The following MMP26 variants were observed in gnomAD, a reference collection of about 807,000 sequenced individuals.
MMP26 encodes matrix metallopeptidase 26, also known as matrix metalloproteinase-26.
In MMP26, 33 loss-of-function variants were observed where a neutral mutation model predicts 31.0. The ratio of observed to expected loss-of-function variants is 1.06; its 90% CI spans 0.81 to 1.42. MMP26 has a LOEUF of 1.42. Among genes scored for constraint, MMP26 ranks in the 40% most tolerant of loss-of-function variants. The pLI is 0.00. For synonymous variants in MMP26, 122 were observed against 114.9 expected (o/e 1.06, Z -0.40); for missense variants, 347 against 316.1 (o/e 1.10, Z -0.74).
At chr11:4,813,921 C>T (rs987523879) in intron 2 of MMP26, among the ~76,000 whole-genome samples, 10 of 151,960 alleles carry the variant, frequency 6.6e-5, no homozygotes, top group African/African-American at 2.4e-4. Context: ...AAAGAGAGCC[C>T]CGTAATCCAT....
At position 4,739,847 on chromosome 11, in the gene MMP26, G is replaced by A. The variant is rs548752362; in HGVS notation, c.-216-27423G>A. ...GCCACAAAATAGCCATATGTCTTTG[G>A]TCTTGCCATTTAATGTTAATAGTAA... On this transcript the variant is annotated intron_variant, in intron 1 of 7. Coordinates refer to ENST00000380390, the MANE Select transcript of MMP26 (RefSeq NM_021801.5). Among the ~76,000 whole-genome samples, 3 of 152,072 alleles carry A rather than the reference G, an allele frequency of 2.0e-5. No homozygotes were observed. In the East Asian group the frequency reaches 5.8e-4, roughly 29 times the overall value.
At chr11:4,942,357 G>T (rs902101410) in intron 2 of MMP26, among the ~76,000 whole-genome samples, 2 of 151,742 alleles carry the variant, frequency 1.3e-5, no homozygotes, top group Non-Finnish European at 1.5e-5. Flanking sequence ...TTCTATTCTT[G>T]TTACTTTCTC....
intron 4 of MMP26, 25 bp downstream of exon 4, chr11:4,989,893 A>C (rs756134398): frequency 6.3e-7 from 1 of 1,580,326 alleles, no homozygotes; most frequent in South Asian, 1.1e-5. Flanking sequence ...GGCCTAGAGG[A>C]TAATGTGTGG....
chr11:4,713,645 A>G (rs1847889909), intron 1 of MMP26, among the ~76,000 whole-genome samples: 1 of 152,178 alleles, frequency 6.6e-6, no homozygotes, highest in South Asian at 2.1e-4. Flanking sequence ...CAAATGTTCC[A>G]TGAAAGAATA....
intron 1 of MMP26, among the ~76,000 whole-genome samples, chr11:4,764,615 A>C (rs1483951178): frequency 6.6e-6 from 1 of 152,250 alleles, no homozygotes. Flanking sequence ...TCACGCCTGT[A>C]ATCCCAGCAC....
rs1037196565 is a variant in MMP26 at position 4,953,212 on chromosome 11, A to G, written c.-144-34856A>G. Among the ~76,000 whole-genome samples the G allele has an allele frequency of 4.0e-5, 5 of 125,472 alleles. 1 individual carries two copies. Among genetic ancestry groups the G allele is most frequent in the Middle Eastern group, 8.4e-3 (2 of 238 alleles). 82.3% of individuals were successfully genotyped at this position (125,472 alleles called of 152,430 possible). On this transcript the variant is annotated intron_variant, in intron 2 of 7. Transcript: ENST00000380390. ...CAATTTAAGAAAATTGTATCCTACCATGAATAAATATTACTAAACTCTTCA... is the reference window on the plus strand; with the variant it reads ...CAATTTAAGAAAATTGTATCCTACCGTGAATAAATATTACTAAACTCTTCA...
At chr11:4,878,296 G>A (rs971879363) in intron 2 of MMP26, among the ~76,000 whole-genome samples, 2 of 152,092 alleles carry the variant, frequency 1.3e-5, no homozygotes, top group Non-Finnish European at 2.9e-5. Context: ...GGACTGCTTA[G>A]TCCATTAGAA....
intron 2 of MMP26, among the ~76,000 whole-genome samples, chr11:4,796,931 C>T (rs991646489): frequency 2.0e-4 from 30 of 152,130 alleles, no homozygotes; most frequent in Admixed American, 1.7e-3. Context: ...CAACAGTGCA[C>T]TTCGGGCTCC....
At chr11:4,957,620 ATT>A (rs376733140) in intron 2 of MMP26, among the ~76,000 whole-genome samples, 4 of 151,858 alleles carry the variant, frequency 2.6e-5, no homozygotes, top group African/African-American at 9.7e-5. Context: ...CCTTATGCAC[ATT>A]TGTTATTCTG....
In MMP26 at chr11:4,835,534, A is replaced by G. The variant is rs78627659; in HGVS notation, c.-145+68193A>G. 3.3e-3 allele frequency among the ~76,000 whole-genome samples: 509 copies of G among 152,292 alleles called. 5 individuals carry two copies. The highest frequency in any genetic ancestry group is 9.7e-3 in the African/African-American group (405 of 41,562). On this transcript the variant is annotated intron_variant, in intron 2 of 7. Transcript: ENST00000380390. ...CCACTATGTGGTTGAAGGTTTTGAC[A>G]GAATTGGTATGGATTTGGCCAGTGT...
intron 1 of MMP26, among the ~76,000 whole-genome samples, chr11:4,762,163 C>T (rs929120324): frequency 6.6e-6 from 1 of 152,098 alleles, no homozygotes; most frequent in African/African-American, 2.4e-5. Flanking sequence ...GACACAAAAT[C>T]AGTGGTCAGT....
intron 2 of MMP26, among the ~76,000 whole-genome samples, 167 bp from the exon 3 acceptor site, chr11:4,987,901 C>T (rs1846929587): frequency 6.6e-6 from 1 of 151,948 alleles, no homozygotes; most frequent in Admixed American, 6.5e-5. Flanking sequence ...TTGTTTTCCC[C>T]CCTATTTTAA....
intron 2 of MMP26, chr11:4,907,848 C>G (rs1281726550): frequency 1.9e-6 from 3 of 1,613,644 alleles, no homozygotes; most frequent in Non-Finnish European, 2.5e-6. Context: ...ATTCCATTTC[C>G]CTTCACCTTA....
At chr11:4,856,242 G>A (rs1242697838) in intron 2 of MMP26, among the ~76,000 whole-genome samples, 5 of 152,166 alleles carry the variant, frequency 3.3e-5, no homozygotes, top group African/African-American at 4.8e-5. Context: ...AAATGTAGAT[G>A]GGCTAAATGT....
At chr11:4,768,965 A>G (rs1318611818) in intron 2 of MMP26, 4 of 1,478,468 alleles carry the variant, frequency 2.7e-6, no homozygotes, top group Non-Finnish European at 3.6e-6. Context: ...TGTATCAAAT[A>G]AAACTATGTC....
intron 2 of MMP26, chr11:4,919,146 G>A (rs1851144060): frequency 1.3e-5 from 2 of 152,218 alleles, no homozygotes; most frequent in Admixed American, 6.5e-5. Flanking sequence ...GGGATCCCAT[G>A]AAGCCAGCAA....
At chr11:4,817,717 A>T (rs533349899) in intron 2 of MMP26, among the ~76,000 whole-genome samples, 1 of 152,346 alleles carries the variant, frequency 6.6e-6, no homozygotes, top group African/African-American at 2.4e-5. Flanking sequence ...AGCTGTAAAC[A>T]TATTTGGATC....
intron 1 of MMP26, among the ~76,000 whole-genome samples, chr11:4,715,291 A>G (rs1847914089): frequency 6.6e-6 from 1 of 152,012 alleles, no homozygotes; most frequent in Non-Finnish European, 1.5e-5. Flanking sequence ...ATAAATATAA[A>G]AGAATATCGT....
intron 2 of MMP26, among the ~76,000 whole-genome samples, chr11:4,982,039 G>A (rs939037476): frequency 2.7e-5 from 4 of 150,606 alleles, no homozygotes; most frequent in Non-Finnish European, 5.9e-5. Context: ...TTGTTTTGCA[G>A]TTAACTTTAC....
Sources: gnomAD v4.1 joint callset for allele counts (sites outside exome capture counted in the v4.1 genomes callset) on GRCh38, gnomAD v4.1.1 for gene constraint, MANE v1.5 for transcripts, NCBI Gene and HGNC (gene_info 2026-07-23, HGNC 2026-07-21) for gene names.